The following IL1RAPL2 variants were observed in gnomAD, a reference collection of about 807,000 sequenced individuals.
The protein encoded by IL1RAPL2 is interleukin 1 receptor accessory protein like 2, also known as X-linked interleukin-1 receptor accessory protein-like 2.
A neutral mutation model predicts 44.1 loss-of-function variants in IL1RAPL2; 3 were observed. That is an observed-to-expected ratio of 0.07 (90% CI 0.03 to 0.18). The LOEUF (loss-of-function observed/expected upper bound fraction) is 0.18, where lower values mean the gene tolerates loss of function less well. Among genes scored for constraint, IL1RAPL2 ranks in the 10% least tolerant of loss-of-function variants. The probability of loss-of-function intolerance (pLI) is 1.00; values close to 1 mark genes in which losing one functional copy is unlikely to be tolerated. For synonymous variants in IL1RAPL2, 181 were observed against 178.8 expected, an observed-to-expected ratio of 1.01 and a Z score of -0.10; for missense variants, 391 against 496.4, an observed-to-expected ratio of 0.79 and a Z score of 2.02.
At chrX:105,120,171 G>GT (rs2032908368) in intron 2 of IL1RAPL2, among the ~76,000 whole-genome samples, 1 of 107,064 alleles carries the variant, frequency 9.3e-6, no homozygotes, top group Admixed American at 1.0e-4. Flanking sequence ...TAGCTTCTTT[G>GT]TGAAGAAAAA....
chrX:105,457,005 A>G (rs1235188474), intron 5 of IL1RAPL2, among the ~76,000 whole-genome samples: 1 of 103,892 alleles, frequency 9.6e-6, no homozygotes, highest in African/African-American at 3.6e-5. Flanking sequence ...GTTTTCCTGT[A>G]TAATTGCTGG....
intron 2 of IL1RAPL2, among the ~76,000 whole-genome samples, chrX:104,942,984 G>A (rs1925230259): frequency 9.0e-6 from 1 of 111,526 alleles, no homozygotes; most frequent in Non-Finnish European, 1.9e-5. Flanking sequence ...CTGTTTATAT[G>A]GTGGATTACA....
Position 105,309,804 on chromosome X carries a change from A to G in IL1RAPL2, c.697+42263A>G, listed in dbSNP as rs756780257. Among the ~76,000 whole-genome samples the G allele has an allele frequency of 4.5e-5, 5 of 111,830 alleles. No homozygotes were observed. The East Asian group carries it at 1.4e-3, about 31-fold the overall frequency. ...TTGGATTGCAAGAAATCTAAAAAAT[A>G]TACATTCTAGGTAAAAGTCTATATC... On this transcript the variant is annotated intron_variant, in intron 5 of 10. Transcript: ENST00000372582.
At chrX:104,759,642 G>GA (rs1202987693) in intron 2 of IL1RAPL2, among the ~76,000 whole-genome samples, 1 of 110,756 alleles carries the variant, frequency 9.0e-6, no homozygotes, top group Non-Finnish European at 1.9e-5. Context: ...AATAGCAGGA[G>GA]AAAAAAGGTA....
chrX:105,662,610 A>C (rs1360110315), intron 6 of IL1RAPL2, among the ~76,000 whole-genome samples: 1 of 112,238 alleles, frequency 8.9e-6, no homozygotes, highest in Non-Finnish European at 1.9e-5. Context: ...AATAGAGTAA[A>C]ACAAAGGCAG....
At chrX:105,721,321 C>T (rs898306877) in intron 7 of IL1RAPL2, among the ~76,000 whole-genome samples, 23 of 109,998 alleles carry the variant, frequency 2.1e-4, no homozygotes, top group African/African-American at 7.0e-4. Context: ...GAGGCTAAGA[C>T]GGGAGAATTG....
At chrX:105,391,030 GA>G (rs2035517833) in intron 5 of IL1RAPL2, among the ~76,000 whole-genome samples, 1 of 111,703 alleles carries the variant, frequency 9.0e-6, no homozygotes, top group African/African-American at 3.2e-5. Context: ...TTAATTCTTG[GA>G]ATTGTGGGGA....
At chrX:105,096,062 G>A (rs115678817) in intron 2 of IL1RAPL2, among the ~76,000 whole-genome samples, 7,382 of 111,382 alleles carry the variant, frequency 0.066, 620 homozygotes, top group African/African-American at 0.23. Context: ...AAGATCTACA[G>A]ATCAACAATA....
rs189264663 is a variant in IL1RAPL2, at chrX:105,410,251, T to C, written c.698-74062T>C. On this transcript the variant is annotated intron_variant, in intron 5 of 10. Transcript: ENST00000372582. The stretch of plus-strand genomic sequence containing the variant: ...TAGATCCATATATGGGAGTCATCAG[T>C]ATCTATATGTTATATAAAGTCATGA... Among the ~76,000 whole-genome samples, 329 of 110,541 alleles carry C rather than the reference T, an allele frequency of 3.0e-3. 1 individual carries two copies. Among genetic ancestry groups the C allele is most frequent in the African/African-American group, 0.01 (313 of 30,483 alleles).
chrX:105,282,306 G>A (rs182297791), intron 5 of IL1RAPL2, among the ~76,000 whole-genome samples: 14 of 112,362 alleles, frequency 1.2e-4, no homozygotes, highest in African/African-American at 4.5e-4. Flanking sequence ...TTAATCCCTG[G>A]TGGTTTATAA....
chrX:105,103,088 C>A (rs534047709), intron 2 of IL1RAPL2, among the ~76,000 whole-genome samples: 2 of 111,736 alleles, frequency 1.8e-5, no homozygotes, highest in South Asian at 7.6e-4. Context: ...GTGCCTGGAA[C>A]AGTGCCCAGA....
chrX:105,210,671 G>A (rs968584302), intron 3 of IL1RAPL2, among the ~76,000 whole-genome samples: 14 of 111,614 alleles, frequency 1.3e-4, no homozygotes, highest in African/African-American at 2.9e-4. Context: ...AGACAAGCCC[G>A]AGAACATTTT....
chrX:104,975,683 T>G (rs1311331627), intron 2 of IL1RAPL2, among the ~76,000 whole-genome samples: 1 of 112,505 alleles, frequency 8.9e-6, no homozygotes, highest in East Asian at 2.8e-4. Context: ...GTTTTCTTAT[T>G]TCCATTAGCT....
chrX:105,253,308 T>C (rs1042539518), intron 4 of IL1RAPL2, among the ~76,000 whole-genome samples: 2 of 111,100 alleles, frequency 1.8e-5, no homozygotes, highest in Non-Finnish European at 3.8e-5. Flanking sequence ...TTCAAACTCA[T>C]TGGTTCTTTC....
chrX:105,750,927 G>C (rs1416862122), intron 9 of IL1RAPL2, among the ~76,000 whole-genome samples: 2 of 110,902 alleles, frequency 1.8e-5, no homozygotes, highest in Non-Finnish European at 3.8e-5. Context: ...GTGCCAGCAA[G>C]TGGCTAAACT....
At chrX:105,566,582 T>C (rs975799204) in intron 6 of IL1RAPL2, among the ~76,000 whole-genome samples, 7 of 111,759 alleles carry the variant, frequency 6.3e-5, no homozygotes, top group Non-Finnish European at 3.8e-5. Flanking sequence ...ATTAAGGACG[T>C]CTGAAAACCC....
At chrX:105,548,131 A>C (rs1432946402) in intron 6 of IL1RAPL2, among the ~76,000 whole-genome samples, 2 of 112,170 alleles carry the variant, frequency 1.8e-5, no homozygotes, top group African/African-American at 6.5e-5. Context: ...TACTATGTTA[A>C]GCACCAAATA....
At chrX:104,899,778 C>A (rs1178736707) in intron 2 of IL1RAPL2, among the ~76,000 whole-genome samples, 1 of 111,729 alleles carries the variant, frequency 9.0e-6, no homozygotes, top group Admixed American at 9.6e-5. Context: ...CATCTCTCCC[C>A]CTGACAAGAT....
chrX:105,613,080 A>C (rs965973846), intron 6 of IL1RAPL2, among the ~76,000 whole-genome samples: 8 of 111,606 alleles, frequency 7.2e-5, no homozygotes, highest in African/African-American at 2.3e-4. Context: ...GGCTCCAAAA[A>C]AGATACCTTT....
Sources: allele counts gnomAD v4.1 joint callset (sites outside exome capture counted in the v4.1 genomes callset), GRCh38; gene constraint gnomAD v4.1.1; transcripts MANE v1.5; gene names NCBI Gene and HGNC (gene_info 2026-07-23, HGNC 2026-07-21).